The following ROBO1 variants were observed in gnomAD, a reference collection of about 807,000 sequenced individuals.
ROBO1 encodes the protein roundabout homolog 1.
In ROBO1, 149 loss-of-function variants were observed where a neutral mutation model predicts 195.9. That is an observed-to-expected ratio of 0.76 (90% CI 0.67 to 0.87). The LOEUF (loss-of-function observed/expected upper bound fraction) is 0.87. Ranked by LOEUF, ROBO1 falls within the 40% of genes least tolerant of loss-of-function variation. The pLI is 0.00. For missense variants in ROBO1, 1,933 were observed against 2,068.3 expected (o/e 0.93, Z 1.27); for synonymous variants, 816 against 733.2 (o/e 1.11, Z -1.82).
chr3:79,211,059 T>C (rs2081958520), intron 2 of ROBO1, among the ~76,000 whole-genome samples: 1 of 152,136 alleles, frequency 6.6e-6, no homozygotes, highest in African/African-American at 2.4e-5. Context: ...AAAATTTGAG[T>C]ATCTTGGTTA....
chr3:79,069,864 T>C (rs1209525909), intron 3 of ROBO1, among the ~76,000 whole-genome samples: 1 of 151,936 alleles, frequency 6.6e-6, no homozygotes, highest in Non-Finnish European at 1.5e-5. Context: ...AATATTGTTA[T>C]GACAACTTGG....
chr3:79,071,107 T>C (rs2079080419), intron 3 of ROBO1, among the ~76,000 whole-genome samples: 1 of 151,878 alleles, frequency 6.6e-6, no homozygotes, highest in South Asian at 2.1e-4. Context: ...GCAATTTTCA[T>C]GTGTACATGT....
At chr3:79,252,960 T>G (rs2082760194) in intron 2 of ROBO1, among the ~76,000 whole-genome samples, 1 of 152,180 alleles carries the variant, frequency 6.6e-6, no homozygotes, top group Non-Finnish European at 1.5e-5. Flanking sequence ...AAAACTGGCC[T>G]ACATGAATCA....
intron 3 of ROBO1, among the ~76,000 whole-genome samples, chr3:79,080,308 TGA>T (rs1397139429): frequency 6.6e-6 from 1 of 151,930 alleles, no homozygotes; most frequent in African/African-American, 2.4e-5. Flanking sequence ...CTCATAGTAC[TGA>T]GAAATTGAGA....
intron 8 of ROBO1, among the ~76,000 whole-genome samples, chr3:78,696,929 T>C (rs2081310674): frequency 1.3e-5 from 2 of 151,858 alleles, no homozygotes; most frequent in African/African-American, 4.8e-5. Context: ...GGTAAACCAA[T>C]TTTAATTATT....
intron 3 of ROBO1, among the ~76,000 whole-genome samples, chr3:79,056,615 T>A (rs1400559731): frequency 1.3e-5 from 2 of 152,120 alleles, no homozygotes; most frequent in African/African-American, 2.4e-5. Flanking sequence ...TTCCAACCTA[T>A]GCGCTGTCTA....
intron 1 of ROBO1, among the ~76,000 whole-genome samples, chr3:79,720,796 T>TTTC (rs1003018076): frequency 1.3e-5 from 2 of 150,738 alleles, no homozygotes. Flanking sequence ...TTGCTAATTT[T>TTTC]TTTTTTTTTT....
At chr3:79,571,137 GATC>G (rs1176364229) in intron 2 of ROBO1, among the ~76,000 whole-genome samples, 3 of 151,982 alleles carry the variant, frequency 2.0e-5, no homozygotes, top group Admixed American at 6.6e-5. Context: ...ATAAAATATT[GATC>G]ATCAGCATGT....
chr3:79,119,325 T>A (rs961328159), intron 3 of ROBO1, among the ~76,000 whole-genome samples: 1 of 152,196 alleles, frequency 6.6e-6, no homozygotes, highest in African/African-American at 2.4e-5. Context: ...AGGATAGAAT[T>A]ACGCATGTCT....
At chr3:79,741,943 TG>T (rs1298139568) in intron 1 of ROBO1, among the ~76,000 whole-genome samples, 1 of 152,208 alleles carries the variant, frequency 6.6e-6, no homozygotes, top group African/African-American at 2.4e-5. Context: ...TTGCAAGTGA[TG>T]ATTTAGGGTA....
intron 28 of ROBO1, among the ~76,000 whole-genome samples, chr3:78,613,312 T>C (rs1703926232): frequency 1.3e-5 from 2 of 152,208 alleles, no homozygotes; most frequent in Admixed American, 1.3e-4. Context: ...AAGCACTCTC[T>C]TCTAGATAAT....
intron 1 of ROBO1, among the ~76,000 whole-genome samples, chr3:79,671,560 T>C (rs543736113): frequency 6.6e-6 from 1 of 152,058 alleles, no homozygotes; most frequent in East Asian, 1.9e-4. Context: ...CAATGGCATT[T>C]GTTTTTAACA....
intron 1 of ROBO1, among the ~76,000 whole-genome samples, chr3:79,657,038 T>G (rs1946187666): frequency 6.6e-6 from 1 of 152,120 alleles, no homozygotes; most frequent in Non-Finnish European, 1.5e-5. Flanking sequence ...GTATGTCAGA[T>G]TTGTGTTTTT....
In ROBO1 at chr3:79,481,867, C is replaced by T. The variant is rs913463852; in HGVS notation, c.88+107957G>A. Among the ~76,000 whole-genome samples, 7 of 151,956 alleles carry T rather than the reference C, an allele frequency of 4.6e-5. 1 individual carries two copies. The highest frequency in any genetic ancestry group is 1.7e-4 in the African/African-American group (7 of 41,446). On this transcript the variant is annotated intron_variant, in intron 2 of 30. Coordinates refer to ENST00000464233, the MANE Select transcript of ROBO1 (RefSeq NM_002941.4). Reference sequence around the variant, plus strand: ...TTAATATGAAAATATGGACACTTTGCTAAATAATAAAAATTATGTGAAACA... The same window carrying T: ...TTAATATGAAAATATGGACACTTTGTTAAATAATAAAAATTATGTGAAACA...
intron 2 of ROBO1, among the ~76,000 whole-genome samples, chr3:79,489,399 T>A (rs894051374): frequency 1.3e-5 from 2 of 152,066 alleles, no homozygotes; most frequent in Admixed American, 1.3e-4. Context: ...CTAACGCCTG[T>A]AATCTCAGCA....
At chr3:79,253,818 C>T (rs1180733965) in intron 2 of ROBO1, among the ~76,000 whole-genome samples, 1 of 152,172 alleles carries the variant, frequency 6.6e-6, no homozygotes, top group African/African-American at 2.4e-5. Flanking sequence ...GATGAGCATT[C>T]TGACTATAAC....
chr3:79,752,988 C>T (rs907717305), intron 1 of ROBO1, among the ~76,000 whole-genome samples: 8 of 152,014 alleles, frequency 5.3e-5, no homozygotes, highest in Admixed American at 2.0e-4. Context: ...AACTATTAAT[C>T]TTTAGGTAGA....
In ROBO1 at chr3:79,207,051, G is replaced by C. The variant is rs181130104; in HGVS notation, c.89-81512C>G. Among the ~76,000 whole-genome samples, 43 of 152,144 alleles carry C rather than the reference G, an allele frequency of 2.8e-4. No individual in the cohort carries two copies. In the East Asian group the frequency reaches 7.4e-3, roughly 26 times the overall value. ...TTGCATGACGATGTTCAGTAAGATT[G>C]AATCAGAGTCACTTTTAACTTTAGA... On this transcript the variant is annotated intron_variant, in intron 2 of 30. Transcript: ENST00000464233.
At chr3:78,961,782 T>C (rs538162651) in intron 3 of ROBO1, among the ~76,000 whole-genome samples, 1 of 152,194 alleles carries the variant, frequency 6.6e-6, no homozygotes, top group Admixed American at 6.5e-5. Flanking sequence ...ATGTACTGCA[T>C]AGACCCATAA....
Sources: gnomAD v4.1 joint callset for allele counts (sites outside exome capture counted in the v4.1 genomes callset) on GRCh38, gnomAD v4.1.1 for gene constraint, MANE v1.5 for transcripts, NCBI Gene and HGNC (gene_info 2026-07-23, HGNC 2026-07-21) for gene names.